Variants in GMDS observed in about 807,000 individuals in gnomAD.
The protein encoded by GMDS is GDP-mannose 4,6 dehydratase.
Under a neutral mutation model 49.9 loss-of-function variants are expected in GMDS, and 20 were observed. The ratio of observed to expected loss-of-function variants is 0.40; its 90% CI spans 0.28 to 0.58. GMDS has a LOEUF of 0.58. GMDS is among the 20% of genes least tolerant of loss of function. The pLI, the probability that GMDS is intolerant of heterozygous loss-of-function variation, is 0.42. For missense variants in GMDS, 362 were observed against 481.4 expected (o/e 0.75, Z 2.32); for synonymous variants, 177 against 178.6 (o/e 0.99, Z 0.07).
chr6:1,991,869 G>T (rs891317849), intron 4 of GMDS, among the ~76,000 whole-genome samples: 16 of 152,250 alleles, frequency 1.1e-4, no homozygotes, highest in Non-Finnish European at 2.2e-4. Flanking sequence ...TGGTGTCCTT[G>T]TGAGGAGAGA....
chr6:1,879,566 CTTA>C (rs1262380603), intron 7 of GMDS, among the ~76,000 whole-genome samples: 1 of 151,118 alleles, frequency 6.6e-6, no homozygotes, highest in Non-Finnish European at 1.5e-5. Context: ...ATTCTTATTT[CTTA>C]TTATGTTACC....
At chr6:1,624,855 A>G (rs1373736989) in intron 9 of GMDS, 2 of 137,374 alleles carry the variant, frequency 1.5e-5, no homozygotes, top group East Asian at 1.1e-4. Flanking sequence ...TTTTTTTTTT[A>G]TAACATGAAG....
intron 4 of GMDS, among the ~76,000 whole-genome samples, chr6:1,980,272 C>A (rs180701953): frequency 1.2e-3 from 187 of 152,186 alleles, no homozygotes; most frequent in African/African-American, 4.3e-3. Context: ...AAACAAGACC[C>A]ATTGGTATGC....
intron 1 of GMDS, among the ~76,000 whole-genome samples, chr6:2,231,969 C>T (rs1781129749): frequency 6.6e-6 from 1 of 152,048 alleles, no homozygotes; most frequent in Admixed American, 6.5e-5. Flanking sequence ...TAATAGTATT[C>T]AATAGGTGGT....
intron 4 of GMDS, among the ~76,000 whole-genome samples, chr6:2,067,630 T>C (rs538205487): frequency 1.9e-3 from 287 of 151,956 alleles, no homozygotes; most frequent in Admixed American, 2.6e-3. Context: ...GAGAATACTA[T>C]AAACACCTCT....
intron 1 of GMDS, among the ~76,000 whole-genome samples, chr6:2,210,441 A>G (rs1258630324): frequency 1.3e-5 from 2 of 152,236 alleles, no homozygotes; most frequent in Non-Finnish European, 2.9e-5. Flanking sequence ...CAAAATCCCC[A>G]ATGTGCTTAC....
intron 7 of GMDS, among the ~76,000 whole-genome samples, chr6:1,898,771 T>C (rs575006716): frequency 6.8e-4 from 104 of 152,334 alleles, no homozygotes; most frequent in African/African-American, 2.4e-3. Context: ...GAAGGTGCTG[T>C]GAGAATCAAA....
At chr6:1,642,669 A>C (rs1454634070) in intron 9 of GMDS, among the ~76,000 whole-genome samples, 2 of 152,194 alleles carry the variant, frequency 1.3e-5, no homozygotes, top group Admixed American at 1.3e-4. Flanking sequence ...CCTTATGCAT[A>C]ACAGACGTGG....
chr6:1,885,732 A>G (rs1759569995), intron 7 of GMDS, among the ~76,000 whole-genome samples: 2 of 152,212 alleles, frequency 1.3e-5, no homozygotes, highest in Non-Finnish European at 2.9e-5. Flanking sequence ...CCTACGGGAC[A>G]TCGCTCCTCC....
At chr6:2,056,554 A>G (rs1316393798) in intron 4 of GMDS, among the ~76,000 whole-genome samples, 1 of 152,170 alleles carries the variant, frequency 6.6e-6, no homozygotes, top group Non-Finnish European at 1.5e-5. Context: ...ATTTCAACAC[A>G]AGAGACCATG....
At chr6:1,692,458 T>A (rs7738932) in intron 9 of GMDS, among the ~76,000 whole-genome samples, 4,005 of 152,304 alleles carry the variant, frequency 0.026, 181 homozygotes, top group African/African-American at 0.091. Context: ...TCATGAAATT[T>A]GGAAAAAAAT....
At chr6:1,995,631 A>T (rs1766230363) in intron 4 of GMDS, among the ~76,000 whole-genome samples, 1 of 152,210 alleles carries the variant, frequency 6.6e-6, no homozygotes, top group Admixed American at 6.5e-5. Flanking sequence ...CACTGCCCCC[A>T]GCTGCACTGT....
chr6:1,892,319 C>CA (rs2113842569), intron 7 of GMDS, among the ~76,000 whole-genome samples: 1 of 152,158 alleles, frequency 6.6e-6, no homozygotes, highest in Admixed American at 6.5e-5. Flanking sequence ...ATTTCAGTAA[C>CA]AAATCTGTTA....
chr6:2,180,148 C>T (rs1778454594), intron 1 of GMDS, among the ~76,000 whole-genome samples: 1 of 152,184 alleles, frequency 6.6e-6, no homozygotes, highest in Non-Finnish European at 1.5e-5. Flanking sequence ...TAGCAACTGG[C>T]TGGCTACCAC....
intron 6 of GMDS, among the ~76,000 whole-genome samples, chr6:1,939,906 T>C (rs896776116): frequency 1.3e-5 from 2 of 152,188 alleles, no homozygotes; most frequent in African/African-American, 4.8e-5. Context: ...GATGATGCCG[T>C]AGACGTAAGG....
At position 1,877,646 on chromosome 6, in the gene GMDS, A is replaced by C. The variant is rs1444961102; in HGVS notation, c.771+52457T>G. Among the ~76,000 whole-genome samples the C allele has an allele frequency of 3.4e-4, 19 of 56,502 alleles. 1 individual carries two copies. Among genetic ancestry groups the C allele is most frequent in the Admixed American group, 3.0e-3 (12 of 3,948 alleles). 37.1% of individuals were successfully genotyped at this position (56,502 alleles called of 152,430 possible). A position where few individuals can be genotyped will look rare whatever the true frequency, so the allele number is the denominator to read the frequency against. ...GAGTGAGACCCCATCTCAAAAATTAAAAAAAAAAAAAAAAAAAAAAAGACA... is the reference window on the plus strand; with the variant it reads ...GAGTGAGACCCCATCTCAAAAATTACAAAAAAAAAAAAAAAAAAAAAGACA... On this transcript the variant is annotated intron_variant, in intron 7 of 10. Coordinates refer to ENST00000380815, the MANE Select transcript of GMDS (RefSeq NM_001500.4).
At chr6:1,814,906 T>A (rs1411247363) in intron 7 of GMDS, among the ~76,000 whole-genome samples, 1 of 152,238 alleles carries the variant, frequency 6.6e-6, no homozygotes, top group Non-Finnish European at 1.5e-5. Context: ...GGAACAGTTC[T>A]GTATTTAATT....
At chr6:2,214,564 A>G (rs1780229877) in intron 1 of GMDS, among the ~76,000 whole-genome samples, 1 of 152,204 alleles carries the variant, frequency 6.6e-6, no homozygotes, top group Admixed American at 6.5e-5. Context: ...ATATTATGCC[A>G]TTTTATTTAA....
chr6:1,859,549 T>TTTTTGG (rs1399445814), intron 7 of GMDS, among the ~76,000 whole-genome samples: 2 of 152,134 alleles, frequency 1.3e-5, no homozygotes, highest in Non-Finnish European at 2.9e-5. Context: ...ACCTTTGCCT[T>TTTTTGG]TTTTGGTTTT....
Sources: gnomAD v4.1 joint callset for allele counts (sites outside exome capture counted in the v4.1 genomes callset) on GRCh38, gnomAD v4.1.1 for gene constraint, MANE v1.5 for transcripts, NCBI Gene and HGNC (gene_info 2026-07-23, HGNC 2026-07-21) for gene names.